Variants in REXO1 observed in about 807,000 individuals in gnomAD.
The protein encoded by REXO1 is REX1, RNA exonuclease 1 homolog.
A neutral mutation model predicts 102.6 loss-of-function variants in REXO1; 42 were observed. The ratio of observed to expected loss-of-function variants is 0.41; its 90% CI spans 0.32 to 0.53. The LOEUF is 0.53. Ranked by LOEUF, REXO1 falls within the 20% of genes least tolerant of loss-of-function variation. The pLI is 0.27. For missense variants in REXO1, 1,819 were observed against 1,732.5 expected (o/e 1.05, Z -0.89); for synonymous variants, 908 against 779.1 (o/e 1.17, Z -2.76).
intron 1 of REXO1, among the ~76,000 whole-genome samples, chr19:1,839,586 G>A (rs962234210): frequency 8.5e-5 from 13 of 152,238 alleles, no homozygotes; most frequent in Admixed American, 7.8e-4. Flanking sequence ...AGATGCTGGG[G>A]GGACGGGGTG....
chr19:1,828,785 T>C (rs1303466329), intron 1 of REXO1, among the ~76,000 whole-genome samples, 154 bp from the exon 2 acceptor site: 1 of 152,230 alleles, frequency 6.6e-6, no homozygotes, highest in Non-Finnish European at 1.5e-5. Flanking sequence ...GGTGCCCAGC[T>C]GGGTACAGGC....
At chr19:1,839,751 A>T (rs1267128077) in intron 1 of REXO1, among the ~76,000 whole-genome samples, 2 of 152,234 alleles carry the variant, frequency 1.3e-5, no homozygotes, top group African/African-American at 4.8e-5. Flanking sequence ...CCCAAAGTCC[A>T]CTTCCTCCAG....
rs1043785276 is a variant in REXO1, at chr19:1,820,282, G to T, written c.2508C>A (p.Asn836Lys). 6.2e-6 allele frequency: 10 copies of T among 1,613,508 alleles called. No individual in the cohort carries two copies. The highest frequency in any genetic ancestry group is 8.5e-6 in the Non-Finnish European group (10 of 1,179,850). Residue 836 changes from asparagine to lysine, a missense_variant, in exon 6 of 16, where the codon AAC becomes AAA. Asn to Lys is a moderately conservative substitution (Grantham distance 94, BLOSUM62 0). Transcript: ENST00000170168. Reference protein sequence around the residue: ...IEECLKFCTSNQEAIEKALNE... With the variant: ...IEECLKFCTSKQEAIEKALNE... ...ACCTCACCTTCTCTATGGCCTCCTG[G>T]TTGGAGGTACAGAACTTGAGACACT... is the stretch of plus-strand genomic sequence containing the variant.
At chr19:1,828,817 G>C (rs539743624) in intron 1 of REXO1, among the ~76,000 whole-genome samples, 186 bp from the exon 2 acceptor site, 160 of 152,390 alleles carry the variant, frequency 1.0e-3, no homozygotes, top group African/African-American at 3.8e-3. Flanking sequence ...CTCAGGCCCT[G>C]TGCCGGGCCC....
rs1056566665 is a variant in REXO1 at position 1,848,405 on chromosome 19, G to C, written c.-47C>G. ...CCGGCCCGGAGCCGCCCGGGCCCCA[G>C]GGCCCCCTCACTGGCGCCGCGGTCG... On this transcript the variant is annotated 5_prime_UTR_variant, in exon 1 of 16. Coordinates refer to ENST00000170168, the MANE Select transcript of REXO1 (RefSeq NM_020695.4). 4.3e-6 allele frequency: 5 copies of C among 1,170,478 alleles called. No individual in the cohort carries two copies. Among genetic ancestry groups the C allele is most frequent in the Non-Finnish European group, 5.3e-6 (5 of 944,012 alleles). 72.5% of individuals were successfully genotyped at this position (1,170,478 alleles called of 1,614,324 possible). A position where few individuals can be genotyped will look rare whatever the true frequency, so the allele number is the denominator to read the frequency against.
chr19:1,829,772 C>A (rs1404883291), intron 1 of REXO1, among the ~76,000 whole-genome samples: 1 of 152,184 alleles, frequency 6.6e-6, no homozygotes, highest in Non-Finnish European at 1.5e-5. Context: ...CACACCATTG[C>A]ACTCCAGCCT....
intron 1 of REXO1, among the ~76,000 whole-genome samples, chr19:1,831,389 G>A (rs367927883): frequency 1.2e-3 from 185 of 152,228 alleles, no homozygotes; most frequent in African/African-American, 4.3e-3. Context: ...CCCCCACAGC[G>A]TGCTAAGACT....
At chr19:1,837,274 T>C (rs2070066482) in intron 1 of REXO1, among the ~76,000 whole-genome samples, 1 of 152,150 alleles carries the variant, frequency 6.6e-6, no homozygotes, top group Non-Finnish European at 1.5e-5. Context: ...ACGTCCACTC[T>C]GGGGGTCCCT....
intron 4 of REXO1, 94 bp downstream of exon 4, chr19:1,823,475 CCAT>C (rs1189491944): frequency 4.6e-6 from 4 of 863,968 alleles, no homozygotes; most frequent in Non-Finnish European, 6.2e-6. Context: ...TGAGCAAGCA[CCAT>C]GTGGTTCAGG....
intron 1 of REXO1, among the ~76,000 whole-genome samples, chr19:1,842,330 G>A (rs1307787554): frequency 7.9e-5 from 12 of 152,242 alleles, no homozygotes; most frequent in African/African-American, 2.9e-4. Flanking sequence ...CTGTCTGTGG[G>A]GTTGTCCCCA....
intron 1 of REXO1, among the ~76,000 whole-genome samples, chr19:1,845,105 G>A (rs1453887210): frequency 6.6e-6 from 1 of 152,202 alleles, no homozygotes; most frequent in Non-Finnish European, 1.5e-5. Flanking sequence ...GAGGTCAGAT[G>A]GGAGGAAGGT....
chr19:1,829,787 G>A (rs563860773), intron 1 of REXO1, among the ~76,000 whole-genome samples: 9 of 152,136 alleles, frequency 5.9e-5, no homozygotes, highest in South Asian at 2.1e-4. Flanking sequence ...CAGCCTGCGC[G>A]ACAAGAGTGA....
intron 4 of REXO1, chr19:1,823,208 C>G (rs541010327): frequency 3.9e-6 from 1 of 255,878 alleles, no homozygotes; most frequent in African/African-American, 2.2e-5. Flanking sequence ...CCCACTCACA[C>G]GCCAGGAGAA....
At chr19:1,833,255 C>A (rs2069953238) in intron 1 of REXO1, among the ~76,000 whole-genome samples, 1 of 152,156 alleles carries the variant, frequency 6.6e-6, no homozygotes, top group Non-Finnish European at 1.5e-5. Flanking sequence ...AGCATTTAGA[C>A]AAGAGGAAGG....
intron 5 of REXO1, 78 bp from the exon 6 acceptor site, chr19:1,820,473 G>A (rs565893876): frequency 2.1e-5 from 33 of 1,547,234 alleles, no homozygotes; most frequent in Admixed American, 3.7e-5. Context: ...CGATGAGGCC[G>A]TGCCCATGGC....
chr19:1,815,851 G>A lies in REXO1; in HGVS notation c.*215C>T, dbSNP rs1369999301. 2.6e-6 allele frequency: 4 copies of A among 1,519,692 alleles called. No homozygotes were observed. The highest frequency in any genetic ancestry group is 2.5e-5 in the East Asian group (1 of 40,392). 94.1% of individuals were successfully genotyped at this position (1,519,692 alleles called of 1,614,324 possible). A position where few individuals can be genotyped will look rare whatever the true frequency, so the allele number is the denominator to read the frequency against. ...CAGTTTCTAGAGACGCCAGAGGGCT[G>A]GGGGGCAGAGGGTGGGGACCGGCGG... is the stretch of plus-strand genomic sequence containing the variant. On this transcript the variant is annotated 3_prime_UTR_variant, in exon 16 of 16. Coordinates refer to ENST00000170168, the MANE Select transcript of REXO1 (RefSeq NM_020695.4). This position sits in a 1 kb window ranked among gnomAD's most constrained non-coding sequence, Gnocchi z 4.0.
intron 1 of REXO1, among the ~76,000 whole-genome samples, chr19:1,842,454 C>T (rs2011327447): frequency 6.6e-6 from 1 of 152,250 alleles, no homozygotes; most frequent in African/African-American, 2.4e-5. Context: ...GGTGCAGAAC[C>T]GCCCTGTCGG....
At chr19:1,818,460 A>G (rs1610106) in intron 10 of REXO1, 22 bp downstream of exon 10, 1,170,250 of 1,556,406 alleles carry the variant, frequency 0.75, 440,789 homozygotes, top group Middle Eastern at 0.8. Context: ...TGGGAAGGGG[A>G]AGGACCCGGG....
intron 5 of REXO1, 90 bp downstream of exon 5, chr19:1,821,429 G>C: frequency 6.7e-7 from 1 of 1,502,024 alleles, no homozygotes; most frequent in Non-Finnish European, 9.2e-7. Context: ...GCAGGGCAGG[G>C]GCGAGGCTGG....
Sources: allele counts gnomAD v4.1 joint callset (sites outside exome capture counted in the v4.1 genomes callset), GRCh38; gene constraint gnomAD v4.1.1; non-coding constraint Gnocchi (gnomAD v3.1); transcripts MANE v1.5; gene names NCBI Gene and HGNC (gene_info 2026-07-23, HGNC 2026-07-21).